ARID2: variants seen among roughly 807,000 people sequenced by gnomAD.
The protein encoded by ARID2 is AT-rich interaction domain 2.
In ARID2, 32 loss-of-function variants were observed where a neutral mutation model predicts 184.6. The observed-to-expected ratio is 0.17, with a 90% CI of 0.13 to 0.23. ARID2 has a LOEUF of 0.23. Among genes scored for constraint, ARID2 ranks in the 10% least tolerant of loss-of-function variants. The probability of loss-of-function intolerance (pLI) is 1.00; values close to 1 mark genes in which losing one functional copy is unlikely to be tolerated. For synonymous variants in ARID2, 836 were observed against 772.6 expected, an observed-to-expected ratio of 1.08 and a Z score of -1.36; for missense variants, 1,696 against 2,197.6, an observed-to-expected ratio of 0.77 and a Z score of 4.56.
chr12:45,884,047 A>G (rs1211048729), intron 16 of ARID2, among the ~76,000 whole-genome samples: 1 of 152,178 alleles, frequency 6.6e-6, no homozygotes, highest in East Asian at 1.9e-4. Flanking sequence ...CCACACAGAT[A>G]TACACATCAT....
At chr12:45,796,129 A>G (rs1305887284) in intron 3 of ARID2, among the ~76,000 whole-genome samples, 2 of 152,098 alleles carry the variant, frequency 1.3e-5, no homozygotes, top group Admixed American at 1.3e-4. Context: ...CTCCTTATTC[A>G]GAACTCAGAA....
intron 3 of ARID2, among the ~76,000 whole-genome samples, chr12:45,761,218 C>T (rs1262607254): frequency 6.6e-6 from 1 of 152,222 alleles, no homozygotes; most frequent in Non-Finnish European, 1.5e-5. Flanking sequence ...ACTCTCCACA[C>T]TGCACCCCTA....
intron 18 of ARID2, 29 bp from the exon 19 acceptor site, chr12:45,893,391 C>T (rs759036973): frequency 8.6e-6 from 11 of 1,277,288 alleles, no homozygotes; most frequent in South Asian, 7.4e-5. Context: ...CGTTAATTCT[C>T]TCTCTCTCTC....
intron 12 of ARID2, among the ~76,000 whole-genome samples, chr12:45,847,676 A>G (rs1242506664): frequency 6.6e-6 from 1 of 152,006 alleles, no homozygotes; most frequent in African/African-American, 2.4e-5. Flanking sequence ...ATTCACTAAC[A>G]TTATTTGTCT....
chr12:45,848,818 A>AG lies in ARID2; in HGVS notation c.1581-18_1581-17insG. 1 of 1,603,818 alleles carries AG rather than the reference A, an allele frequency of 6.2e-7. No homozygotes were observed. Among genetic ancestry groups the AG allele is most frequent in the Non-Finnish European group, 8.5e-7 (1 of 1,174,404 alleles). On this transcript the variant is annotated splice_polypyrimidine_tract_variant and intron_variant, in intron 12 of 20. Coordinates refer to ENST00000334344, the MANE Select transcript of ARID2 (RefSeq NM_152641.4). ...CCTAGAGTATATTGTATAATGCTTA[A>AG]TTTTTCTCCTCTTTTAGGCTAAATG...
chr12:45,753,995 T>C (rs1941517417), intron 3 of ARID2, among the ~76,000 whole-genome samples: 1 of 152,254 alleles, frequency 6.6e-6, no homozygotes, highest in African/African-American at 2.4e-5. Context: ...CTATATCTGA[T>C]GTCATTTCTA....
intron 3 of ARID2, among the ~76,000 whole-genome samples, chr12:45,810,542 G>T (rs1039390778): frequency 5.9e-5 from 9 of 152,052 alleles, no homozygotes; most frequent in African/African-American, 2.2e-4. Context: ...TATTGCTAGA[G>T]AACTATTTAA....
intron 3 of ARID2, among the ~76,000 whole-genome samples, chr12:45,804,108 A>AC (rs1004919122): frequency 6.6e-6 from 1 of 152,154 alleles, no homozygotes; most frequent in African/African-American, 2.4e-5. Flanking sequence ...CATTTCTTCT[A>AC]CAGAAGCAAG....
intron 3 of ARID2, among the ~76,000 whole-genome samples, chr12:45,739,690 T>C (rs1385265201): frequency 6.6e-6 from 1 of 152,092 alleles, no homozygotes; most frequent in Non-Finnish European, 1.5e-5. Flanking sequence ...CTTTATTAAA[T>C]AATACGTATC....
chr12:45,821,268 T>G (rs1942889919), intron 5 of ARID2, 152 bp from the exon 6 acceptor site: 1 of 413,224 alleles, frequency 2.4e-6, no homozygotes, highest in Non-Finnish European at 4.3e-6. Context: ...CAAAAGAAAT[T>G]ATCATGACTA....
rs555400020 is a variant in ARID2, at chr12:45,866,926, A to G, written c.4922+5977A>G. 6.3e-3 allele frequency among the ~76,000 whole-genome samples: 893 copies of G among 142,106 alleles called. 7 individuals carry two copies. The highest frequency in any genetic ancestry group is 0.025 in the African/African-American group (850 of 34,342). 93.2% of individuals were successfully genotyped at this position (142,106 alleles called of 152,430 possible). On this transcript the variant is annotated intron_variant, in intron 16 of 20. Coordinates refer to ENST00000334344, the MANE Select transcript of ARID2 (RefSeq NM_152641.4). ...TTTGTTTTGTTGGGTTGTTTTGTGA[A>G]GTTTGTTGTTGTTGTTGTTGTTGTT...
At chr12:45,793,034 C>T (rs1208021602) in intron 3 of ARID2, among the ~76,000 whole-genome samples, 1 of 152,132 alleles carries the variant, frequency 6.6e-6, no homozygotes, top group African/African-American at 2.4e-5. Flanking sequence ...TGCAGTGGCT[C>T]ACGCCTGTAA....
chr12:45,900,727 A>G (rs1944446322), intron 20 of ARID2, among the ~76,000 whole-genome samples: 1 of 152,200 alleles, frequency 6.6e-6, no homozygotes. Context: ...CTACATGCCT[A>G]AAAATGTCTG....
At chr12:45,777,581 A>G (rs551901759) in intron 3 of ARID2, among the ~76,000 whole-genome samples, 5 of 151,928 alleles carry the variant, frequency 3.3e-5, no homozygotes, top group East Asian at 3.9e-4. Context: ...GTGTAAGTCA[A>G]ATTTTTTATA....
chr12:45,891,002 TA>T (rs1189312644), intron 16 of ARID2, among the ~76,000 whole-genome samples: 1 of 151,918 alleles, frequency 6.6e-6, no homozygotes, highest in Non-Finnish European at 1.5e-5. Flanking sequence ...CCGTCTCTAC[TA>T]AAAATACAAA....
chr12:45,806,774 G>T (rs1942611100), intron 3 of ARID2, among the ~76,000 whole-genome samples: 1 of 152,108 alleles, frequency 6.6e-6, no homozygotes, highest in Admixed American at 6.6e-5. Context: ...TATCACATCA[G>T]TGTAGGTCCC....
chr12:45,754,148 CTT>C, intron 3 of ARID2, among the ~76,000 whole-genome samples: 1 of 152,084 alleles, frequency 6.6e-6, no homozygotes, highest in Non-Finnish European at 1.5e-5. Flanking sequence ...ACTGTTGAAT[CTT>C]ATAGAAGCAT....
chr12:45,776,742 G>A (rs1479421540), intron 3 of ARID2, among the ~76,000 whole-genome samples: 2 of 151,304 alleles, frequency 1.3e-5, no homozygotes, highest in African/African-American at 4.9e-5. Flanking sequence ...TTGAGCCCAG[G>A]AGTTCGAGAC....
chr12:45,782,388 C>T (rs1171955039), intron 3 of ARID2, among the ~76,000 whole-genome samples: 4 of 151,914 alleles, frequency 2.6e-5, no homozygotes, highest in Non-Finnish European at 5.9e-5. Flanking sequence ...TCCCAGCACA[C>T]TGGGAGGCCG....
Sources: allele counts gnomAD v4.1 joint callset (sites outside exome capture counted in the v4.1 genomes callset), GRCh38; gene constraint gnomAD v4.1.1; transcripts MANE v1.5; gene names NCBI Gene and HGNC (gene_info 2026-07-23, HGNC 2026-07-21).